WWOX: variants seen among roughly 807,000 people sequenced by gnomAD.
WWOX encodes WW domain-containing oxidoreductase.
A neutral mutation model predicts 46.2 loss-of-function variants in WWOX; 69 were observed. The observed-to-expected ratio is 1.49, with a 90% CI of 1.23 to 1.82. WWOX has a LOEUF of 1.82. WWOX is among the 40% of genes most tolerant of loss of function. The probability of loss-of-function intolerance (pLI) is 0.00; values close to 1 mark genes in which losing one functional copy is unlikely to be tolerated. For missense variants in WWOX, 919 were observed against 542.6 expected, an observed-to-expected ratio of 1.69 and a Z score of -6.89; for synonymous variants, 359 against 202.6, an observed-to-expected ratio of 1.77 and a Z score of -6.56.
intron 8 of WWOX, among the ~76,000 whole-genome samples, chr16:78,670,425 T>A (rs931088380): frequency 2.0e-5 from 3 of 152,158 alleles, no homozygotes; most frequent in Non-Finnish European, 4.4e-5. Context: ...CATTGGTGTG[T>A]TACGTTATGA....
At chr16:78,630,899 A>G (rs112587379) in intron 8 of WWOX, among the ~76,000 whole-genome samples, 10 of 152,336 alleles carry the variant, frequency 6.6e-5, no homozygotes, top group African/African-American at 1.9e-4. Flanking sequence ...TGGGTTCTAC[A>G]TATGTAGATT....
chr16:79,197,783 C>T (rs2051269215), intron 8 of WWOX, among the ~76,000 whole-genome samples: 1 of 152,216 alleles, frequency 6.6e-6, no homozygotes. Context: ...AGGTTCATCC[C>T]ACCATGACGA....
At chr16:78,922,239 G>A (rs1429014218) in intron 8 of WWOX, among the ~76,000 whole-genome samples, 1 of 152,026 alleles carries the variant, frequency 6.6e-6, no homozygotes, top group Admixed American at 6.6e-5. Flanking sequence ...CTTTAAGAAT[G>A]GTTCATCTGC....
At chr16:78,468,053 T>C (rs1338212844) in intron 8 of WWOX, among the ~76,000 whole-genome samples, 2 of 152,138 alleles carry the variant, frequency 1.3e-5, no homozygotes, top group African/African-American at 4.8e-5. Context: ...CTCTGCTCTT[T>C]TCCAAGCCAC....
intron 8 of WWOX, among the ~76,000 whole-genome samples, chr16:79,192,873 C>G (rs933783642): frequency 2.4e-4 from 36 of 152,188 alleles, no homozygotes; most frequent in African/African-American, 8.7e-4. Context: ...CTCTAATTTC[C>G]TCACAGGGCC....
chr16:78,874,509 G>C (rs944867675), intron 8 of WWOX, among the ~76,000 whole-genome samples: 1 of 151,954 alleles, frequency 6.6e-6, no homozygotes, highest in African/African-American at 2.4e-5. Context: ...TGCCTGGCCA[G>C]GGCTCACTGC....
In WWOX at chr16:78,260,326, C is replaced by G. The variant is rs147910445; in HGVS notation, c.516+96037C>G. On this transcript the variant is annotated intron_variant, in intron 5 of 8. Transcript: ENST00000566780. ...AAACAAGTTCCCACAAAGACCCCAT[C>G]CAAAGGTCAGCAGCCTGAAAGATCG... Among the ~76,000 whole-genome samples, 344 of 151,676 alleles carry G rather than the reference C, an allele frequency of 2.3e-3. 7 individuals carry two copies. Among genetic ancestry groups the G allele is most frequent in the Non-Finnish European group, 4.1e-3 (275 of 67,876 alleles).
chr16:79,109,145 G>T, intron 8 of WWOX, among the ~76,000 whole-genome samples: 1 of 152,040 alleles, frequency 6.6e-6, no homozygotes, highest in East Asian at 1.9e-4. Context: ...TATAGAGGCA[G>T]GGGGCACTTT....
intron 5 of WWOX, among the ~76,000 whole-genome samples, chr16:78,365,157 T>C (rs57426415): frequency 0.027 from 4,150 of 152,136 alleles, 174 homozygotes; most frequent in African/African-American, 0.087. Context: ...GATGCTGAGG[T>C]TGAGGGAAGA....
At chr16:78,419,566 G>A (rs1186442609) in intron 6 of WWOX, among the ~76,000 whole-genome samples, 7 of 133,274 alleles carry the variant, frequency 5.3e-5, no homozygotes, top group Admixed American at 1.7e-4. Context: ...CCACTGGATA[G>A]CCCCATGCAA....
intron 5 of WWOX, among the ~76,000 whole-genome samples, chr16:78,228,385 A>AGGCT: frequency 7.5e-6 from 1 of 132,636 alleles, no homozygotes; most frequent in East Asian, 2.2e-4. Context: ...TCTGTTACCC[A>AGGCT]GGCTGGAATG....
intron 4 of WWOX, among the ~76,000 whole-genome samples, chr16:78,149,323 A>G (rs192179697): frequency 2.0e-5 from 3 of 152,328 alleles, no homozygotes; most frequent in Admixed American, 2.0e-4. Context: ...CTATAATTGT[A>G]AACTATTGAT....
chr16:78,171,054 T>A (rs7206823), intron 5 of WWOX, among the ~76,000 whole-genome samples: 125,075 of 152,204 alleles, frequency 0.82, 51,544 homozygotes, highest in East Asian at 0.98. Flanking sequence ...CCTCATTGAT[T>A]AGCATCGGAA....
At chr16:78,336,646 T>G (rs1597501183) in intron 5 of WWOX, among the ~76,000 whole-genome samples, 3 of 152,120 alleles carry the variant, frequency 2.0e-5, no homozygotes, top group Admixed American at 6.6e-5. Flanking sequence ...TAAGGACTTC[T>G]TAGTTCCAGC....
chr16:79,005,079 T>C (rs1054230053), intron 8 of WWOX, among the ~76,000 whole-genome samples: 3 of 152,174 alleles, frequency 2.0e-5, no homozygotes, highest in Non-Finnish European at 4.4e-5. Flanking sequence ...GGCACATGGA[T>C]GCAGTCAGTC....
chr16:78,660,045 A>T (rs1373876648), intron 8 of WWOX, among the ~76,000 whole-genome samples: 1 of 152,214 alleles, frequency 6.6e-6, no homozygotes, highest in Admixed American at 6.5e-5. Context: ...CAAACACATC[A>T]TTCACCATAG....
At chr16:78,714,356 G>A (rs964399909) in intron 8 of WWOX, among the ~76,000 whole-genome samples, 1 of 152,046 alleles carries the variant, frequency 6.6e-6, no homozygotes, top group Admixed American at 6.6e-5. Context: ...GAGAGCCTTT[G>A]CAAGGGAACT....
chr16:78,614,765 A>C (rs1015861941), intron 8 of WWOX, among the ~76,000 whole-genome samples: 2 of 152,056 alleles, frequency 1.3e-5, no homozygotes, highest in African/African-American at 4.8e-5. Context: ...AAATATTGAC[A>C]GAGTTGTCTT....
At chr16:78,576,550 C>T (rs2044885027) in intron 8 of WWOX, among the ~76,000 whole-genome samples, 1 of 152,186 alleles carries the variant, frequency 6.6e-6, no homozygotes, top group Non-Finnish European at 1.5e-5. Flanking sequence ...AAAAATGCTG[C>T]TTTGAGGCCT....
Sources: allele counts gnomAD v4.1 joint callset (sites outside exome capture counted in the v4.1 genomes callset), GRCh38; gene constraint gnomAD v4.1.1; transcripts MANE v1.5; gene names NCBI Gene and HGNC (gene_info 2026-07-23, HGNC 2026-07-21).